The following PLAG1 variants were observed in gnomAD, a reference collection of about 807,000 sequenced individuals.
PLAG1 encodes PLAG1 zinc finger.
In PLAG1, 7 loss-of-function variants were observed where a neutral mutation model predicts 35.5. That is an observed-to-expected ratio of 0.20 (90% CI 0.11 to 0.37). The LOEUF is 0.37. Ranked by LOEUF, PLAG1 falls within the 10% of genes least tolerant of loss-of-function variation. The probability of loss-of-function intolerance (pLI) is 1.00; values close to 1 mark genes in which losing one functional copy is unlikely to be tolerated. For missense variants in PLAG1, 454 were observed against 602.8 expected, an observed-to-expected ratio of 0.75 and a Z score of 2.58; for synonymous variants, 229 against 225.4, an observed-to-expected ratio of 1.02 and a Z score of -0.14.
chr8:56,176,010 G>GT (rs1350723388), intron 2 of PLAG1, among the ~76,000 whole-genome samples: 3 of 143,330 alleles, frequency 2.1e-5, no homozygotes, highest in African/African-American at 7.8e-5. Flanking sequence ...TAAGTTAAAA[G>GT]TTTTTTTTCT....
At chr8:56,170,344 G>A (rs1003503752) in intron 3 of PLAG1, among the ~76,000 whole-genome samples, 1 of 152,112 alleles carries the variant, frequency 6.6e-6, no homozygotes, top group Non-Finnish European at 1.5e-5. Flanking sequence ...AGGGCTTCTT[G>A]CTCTATTTCT....
chr8:56,166,768 G>A lies in PLAG1; in HGVS notation c.978C>T (p.Pro326=). 1 of 1,614,102 alleles carries A rather than the reference G, an allele frequency of 6.2e-7. No individual in the cohort carries two copies. The highest frequency in any genetic ancestry group is 8.5e-7 in the Non-Finnish European group (1 of 1,179,970). The change falls in exon 5 of 5, where the codon CCC becomes CCT. Residue 326 remains proline, a synonymous_variant. Transcript: ENST00000316981. ...GATATTTGAAAGAAAGGTGGTGAGA[G>A]GGATGAACAGTGTCCATATCTATTG... ...TCPIDMDTVH[P]SHHLSFKYPF...
chr8:56,179,452 G>C lies in PLAG1; in HGVS notation c.-260C>G. The C allele has an allele frequency of 1.0e-6, 1 of 977,464 alleles. No individual in the cohort carries two copies. Among genetic ancestry groups the C allele is most frequent in the Non-Finnish European group, 1.2e-6 (1 of 822,350 alleles). The allele number at this position is 977,464 out of a possible 1,614,324, so 60.5% of individuals were successfully genotyped here. A position where few individuals can be genotyped will look rare whatever the true frequency, so the allele number is the denominator to read the frequency against. ...CTCTAGCAAGGCAACCTTATTAATA[G>C]ACCGTCACAGAATGAAGCATTCTGG... On this transcript the variant is annotated 5_prime_UTR_variant, in exon 2 of 5. Transcript: ENST00000316981.
chr8:56,207,110 T>C (rs937566561), intron 1 of PLAG1, among the ~76,000 whole-genome samples: 2 of 151,946 alleles, frequency 1.3e-5, no homozygotes, highest in Non-Finnish European at 2.9e-5. Context: ...TTTTTATATA[T>C]CTTAATTTTC....
chr8:56,202,751 A>G (rs1812590032), intron 1 of PLAG1, among the ~76,000 whole-genome samples: 1 of 152,220 alleles, frequency 6.6e-6, no homozygotes, highest in African/African-American at 2.4e-5. Context: ...AACCCAGGCT[A>G]TGATTAAAAG....
At chr8:56,195,362 G>A (rs1369551988) in intron 1 of PLAG1, among the ~76,000 whole-genome samples, 2 of 152,202 alleles carry the variant, frequency 1.3e-5, no homozygotes, top group East Asian at 3.8e-4. Context: ...ACTATGTGTA[G>A]GTGCCCTGAA....
In PLAG1 at chr8:56,161,355, A is replaced by G. The variant is rs1167344210; in HGVS notation, c.*4888T>C. On this transcript the variant is annotated 3_prime_UTR_variant, in exon 5 of 5. Coordinates refer to ENST00000316981, the MANE Select transcript of PLAG1 (RefSeq NM_002655.3). ...TGACTCAAAACTTTATCATTAGAAC[A>G]TTTTTAGAGTACTAGTCCAAACACT... 4.7e-6 allele frequency: 1 copy of G among 214,328 alleles called. No individual in the cohort carries two copies. The highest frequency in any genetic ancestry group is 9.4e-6 in the Non-Finnish European group (1 of 105,892). The allele number at this position is 214,328 out of a possible 1,614,324, so 13.3% of individuals were successfully genotyped here. A position where few individuals can be genotyped will look rare whatever the true frequency, so the allele number is the denominator to read the frequency against.
intron 1 of PLAG1, among the ~76,000 whole-genome samples, chr8:56,198,242 A>G (rs1342594827): frequency 1.3e-5 from 2 of 152,222 alleles, no homozygotes; most frequent in Admixed American, 6.5e-5. Context: ...TCCAAGGCTC[A>G]GCCCCGAGAG....
chr8:56,178,127 G>A (rs1811763252), intron 2 of PLAG1: 1 of 353,814 alleles, frequency 2.8e-6, no homozygotes, highest in African/African-American at 2.2e-5. Context: ...AAGTTCTATG[G>A]GAAGGAAAAA....
Position 56,166,516 on chromosome 8 carries a change from G to A in PLAG1, c.1230C>T (p.Pro410=). The change falls in exon 5 of 5, where the codon CCC becomes CCT. Residue 410 remains proline (P), a synonymous_variant. Coordinates refer to ENST00000316981, the MANE Select transcript of PLAG1 (RefSeq NM_002655.3). ...AAAAATCCAATGCTGGTGTGTTTAG[G>A]GGGTCACTGATGGAGATAGAGCTTT... ...LSKSSISISD[P]LNTPALDFSQ... 1.9e-6 allele frequency: 3 copies of A among 1,614,034 alleles called. No individual in the cohort carries two copies. Among genetic ancestry groups the A allele is most frequent in the Non-Finnish European group, 2.5e-6 (3 of 1,179,946 alleles).
chr8:56,195,028 TCTGA>T (rs1433536499), intron 1 of PLAG1, among the ~76,000 whole-genome samples: 3 of 152,122 alleles, frequency 2.0e-5, no homozygotes, highest in African/African-American at 7.2e-5. Flanking sequence ...AGGGTGCATA[TCTGA>T]CAGACTCAAT....
chr8:56,183,482 T>A (rs376838229), intron 1 of PLAG1, among the ~76,000 whole-genome samples: 20 of 152,304 alleles, frequency 1.3e-4, no homozygotes, highest in South Asian at 8.3e-4. Flanking sequence ...AAAGTTACAA[T>A]GTTAAAATTG....
In PLAG1 at chr8:56,166,327, C is replaced by T. The variant is rs1811350559; in HGVS notation, c.1419G>A (p.Gly473=). The T allele has an allele frequency of 1.9e-6, 3 of 1,613,642 alleles. No individual in the cohort carries two copies. Among genetic ancestry groups the T allele is most frequent in the African/African-American group, 1.3e-5 (1 of 74,886 alleles). ...AAGCTGCTGACAGTGAGTGCAGAGA[C>T]CCAAGCCCTATAGTGTTTGCAGGAT... ...LQDPANTIGL[G]SLHSLSAAFT... The change falls in exon 5 of 5, where the codon GGG becomes GGA. Residue 473 remains glycine (G), a synonymous_variant. Coordinates refer to ENST00000316981, the MANE Select transcript of PLAG1 (RefSeq NM_002655.3).
intron 2 of PLAG1, among the ~76,000 whole-genome samples, chr8:56,171,915 C>T (rs1055047966): frequency 3.9e-5 from 6 of 152,150 alleles, no homozygotes; most frequent in Non-Finnish European, 7.4e-5. Context: ...CATTAGTAGA[C>T]TGAGATCACA....
intron 1 of PLAG1, among the ~76,000 whole-genome samples, chr8:56,181,462 C>T (rs778476809): frequency 1.3e-5 from 2 of 151,632 alleles, no homozygotes; most frequent in African/African-American, 2.4e-5. Flanking sequence ...CAAACTACCA[C>T]AAGAACGGAA....
intron 1 of PLAG1, among the ~76,000 whole-genome samples, chr8:56,196,798 TCC>T (rs1812380817): frequency 1.3e-5 from 2 of 152,040 alleles, no homozygotes; most frequent in Non-Finnish European, 2.9e-5. Flanking sequence ...TGTGTGTGTG[TCC>T]TCCTCTATGC....
At chr8:56,210,571 C>T (rs887685049) in intron 1 of PLAG1, among the ~76,000 whole-genome samples, 14 of 152,170 alleles carry the variant, frequency 9.2e-5, no homozygotes, top group Middle Eastern at 3.2e-3. Flanking sequence ...ACTCAAAGTG[C>T]CCCCCAAATA....
chr8:56,195,360 T>C (rs1402028560), intron 1 of PLAG1, among the ~76,000 whole-genome samples: 1 of 152,174 alleles, frequency 6.6e-6, no homozygotes, highest in Non-Finnish European at 1.5e-5. Flanking sequence ...TCACTATGTG[T>C]AGGTGCCCTG....
chr8:56,205,932 T>C (rs1361462385), intron 1 of PLAG1, among the ~76,000 whole-genome samples: 1 of 152,014 alleles, frequency 6.6e-6, no homozygotes, highest in Non-Finnish European at 1.5e-5. Context: ...TTAGTTTTAA[T>C]ACCATGATCC....
Sources: gnomAD v4.1 joint callset for allele counts (sites outside exome capture counted in the v4.1 genomes callset) on GRCh38, gnomAD v4.1.1 for gene constraint, MANE v1.5 for transcripts, NCBI Gene and HGNC (gene_info 2026-07-23, HGNC 2026-07-21) for gene names.